The following LIN52 variants were observed in gnomAD, a reference collection of about 807,000 sequenced individuals.
LIN52 encodes the protein protein lin-52 homolog.
A neutral mutation model predicts 18.5 loss-of-function variants in LIN52; 4 were observed. The observed-to-expected ratio is 0.22, with a 90% CI of 0.11 to 0.49. The LOEUF is 0.49. Ranked by LOEUF, LIN52 falls within the 20% of genes least tolerant of loss-of-function variation. The probability of loss-of-function intolerance (pLI) is 0.97; values close to 1 mark genes in which losing one functional copy is unlikely to be tolerated. For missense variants in LIN52, 102 were observed against 139.5 expected (o/e 0.73, Z 1.35); for synonymous variants, 34 against 45.5 (o/e 0.75, Z 1.02).
intron 5 of LIN52, among the ~76,000 whole-genome samples, chr14:74,179,495 A>G (rs1379905873): frequency 6.6e-6 from 1 of 151,988 alleles, no homozygotes; most frequent in Admixed American, 6.6e-5. Flanking sequence ...CCCCATCTCT[A>G]CTAAAAATAC....
intron 5 of LIN52, chr14:74,114,212 GTA>G (rs1491073286): frequency 1.2e-6 from 1 of 853,690 alleles, no homozygotes; most frequent in Non-Finnish European, 1.4e-6. Flanking sequence ...GTGTGTGTGT[GTA>G]GTTTTAACTT....
intron 5 of LIN52, among the ~76,000 whole-genome samples, chr14:74,105,620 G>A (rs987306805): frequency 4.0e-5 from 6 of 151,604 alleles, no homozygotes; most frequent in African/African-American, 1.5e-4. Context: ...TCTACTCTAG[G>A]GGTTGGCTTT....
chr14:74,091,107 T>C, intron 1 of LIN52, 125 bp from the exon 2 acceptor site: 1 of 580,764 alleles, frequency 1.7e-6, no homozygotes, highest in Middle Eastern at 3.4e-4. Context: ...GTGGCATCAA[T>C]AGTTACAGAA....
Position 74,198,910 on chromosome 14 carries a change from T to C in LIN52, c.284-12T>C, listed in dbSNP as rs1177176534. 1.2e-6 allele frequency: 2 copies of C among 1,603,412 alleles called. No homozygotes were observed. Among genetic ancestry groups the C allele is most frequent in the Admixed American group, 1.7e-5 (1 of 59,874 alleles). On this transcript the variant is annotated splice_polypyrimidine_tract_variant and intron_variant, in intron 5 of 5. Transcript: ENST00000555028. The stretch of plus-strand genomic sequence containing the variant: ...GGTTTTCATTGATCATTTGTTTGCT[T>C]TGTGATTCCAGCCAGAGAGATGACA...
At chr14:74,107,712 G>A (rs114895345) in intron 5 of LIN52, among the ~76,000 whole-genome samples, 2,827 of 152,116 alleles carry the variant, frequency 0.019, 57 homozygotes, top group African/African-American at 0.051. Context: ...AGACCAGTTA[G>A]TAGTCATGCA....
At chr14:74,191,626 T>C (rs931294945) in intron 5 of LIN52, among the ~76,000 whole-genome samples, 1 of 151,582 alleles carries the variant, frequency 6.6e-6, no homozygotes, top group Admixed American at 6.6e-5. Flanking sequence ...CTGGGGTTTT[T>C]TTCTTTCTTT....
intron 5 of LIN52, among the ~76,000 whole-genome samples, chr14:74,171,736 CTTT>C (rs534860812): frequency 8.2e-6 from 1 of 122,698 alleles, no homozygotes; most frequent in Non-Finnish European, 1.6e-5. Flanking sequence ...TATTTTAATT[CTTT>C]TTTTTTTTTT....
chr14:74,119,501 G>A (rs966780407), intron 5 of LIN52, among the ~76,000 whole-genome samples: 1 of 152,078 alleles, frequency 6.6e-6, no homozygotes, highest in Non-Finnish European at 1.5e-5. Flanking sequence ...ACTAGGAAGT[G>A]GAATTGCTAG....
chr14:74,110,542 C>T (rs1249442481), intron 5 of LIN52, among the ~76,000 whole-genome samples: 5 of 152,056 alleles, frequency 3.3e-5, no homozygotes, highest in African/African-American at 7.2e-5. Context: ...TGGTGGCGCA[C>T]GCCCATAGTC....
At chr14:74,177,868 C>T (rs960846754) in intron 5 of LIN52, among the ~76,000 whole-genome samples, 4 of 152,294 alleles carry the variant, frequency 2.6e-5, no homozygotes, top group East Asian at 1.9e-4. Flanking sequence ...ACCTCCGCCA[C>T]GTGCGCTCAA....
At chr14:74,090,274 C>T (rs1235300539) in intron 1 of LIN52, among the ~76,000 whole-genome samples, 1 of 151,840 alleles carries the variant, frequency 6.6e-6, no homozygotes, top group Non-Finnish European at 1.5e-5. Flanking sequence ...CCATCTTGGC[C>T]TCCCAAAGTG....
In LIN52 at chr14:74,199,078, AG is replaced by A. The variant is rs140888594; in HGVS notation, c.*104del. The A allele has an allele frequency of 2.6e-5, 21 of 822,678 alleles. No homozygotes were observed. Among genetic ancestry groups the A allele is most frequent in the Non-Finnish European group, 3.7e-5 (18 of 482,726 alleles). 51.0% of individuals were successfully genotyped at this position (822,678 alleles called of 1,614,324 possible). ...TCACTGCTTGCTTGGGAGAGGCCAG[AG>A]GGTGTACCTCCAGGACTGCCCTCTC... On this transcript the variant is annotated 3_prime_UTR_variant, in exon 6 of 6. Transcript: ENST00000555028.
intron 2 of LIN52, among the ~76,000 whole-genome samples, chr14:74,095,421 C>T (rs1346691298): frequency 2.0e-5 from 3 of 152,006 alleles, no homozygotes; most frequent in Non-Finnish European, 4.4e-5. Context: ...AGGCATGAGC[C>T]ACTGCACCCG....
intron 5 of LIN52, among the ~76,000 whole-genome samples, chr14:74,119,939 G>A (rs998234968): frequency 1.3e-5 from 2 of 151,424 alleles, no homozygotes; most frequent in Admixed American, 6.6e-5. Context: ...GGGTTCAAGC[G>A]ATTCTCCTGC....
intron 5 of LIN52, among the ~76,000 whole-genome samples, chr14:74,189,721 T>C (rs1355913079): frequency 6.6e-6 from 1 of 152,236 alleles, no homozygotes; most frequent in Non-Finnish European, 1.5e-5. Context: ...TCATCAGGCA[T>C]CATGGCTGAC....
In LIN52 at chr14:74,140,044, TTTA is replaced by T. The variant is rs201915267; in HGVS notation, c.283+38810_283+38812del. 8.8e-3 allele frequency among the ~76,000 whole-genome samples: 1,334 copies of T among 151,802 alleles called. 19 individuals carry two copies. The highest frequency in any genetic ancestry group is 0.031 in the African/African-American group (1,276 of 41,364). On this transcript the variant is annotated intron_variant, in intron 5 of 5. Coordinates refer to ENST00000555028, the MANE Select transcript of LIN52 (RefSeq NM_001024674.3). The stretch of plus-strand genomic sequence containing the variant: ...ATAATTAATATAAAGCCACAATAGC[TTTA>T]TTACTAATTTAAAATTTAACTCCTA...
intron 5 of LIN52, among the ~76,000 whole-genome samples, chr14:74,190,031 G>A (rs1192007352): frequency 1.3e-5 from 2 of 152,156 alleles, no homozygotes; most frequent in Non-Finnish European, 2.9e-5. Context: ...AGCACTTTGG[G>A]AGACTGAGGC....
At chr14:74,198,577 C>A (rs550415856) in intron 5 of LIN52, among the ~76,000 whole-genome samples, 191 of 152,296 alleles carry the variant, frequency 1.3e-3, no homozygotes, top group Middle Eastern at 3.4e-3. Flanking sequence ...GCTTCAAGAG[C>A]AAACCCCCTG....
intron 5 of LIN52, among the ~76,000 whole-genome samples, chr14:74,104,823 G>C (rs555395183): frequency 2.0e-5 from 3 of 152,022 alleles, no homozygotes; most frequent in South Asian, 2.1e-4. Flanking sequence ...CTTAACAAAT[G>C]ATGGGGAAAT....
Sources: gnomAD v4.1 joint callset for allele counts (sites outside exome capture counted in the v4.1 genomes callset) on GRCh38, gnomAD v4.1.1 for gene constraint, MANE v1.5 for transcripts, NCBI Gene and HGNC (gene_info 2026-07-23, HGNC 2026-07-21) for gene names.